Variants in GRAMD4 observed in about 807,000 individuals in gnomAD.
GRAMD4 encodes the protein GRAM domain containing 4.
Under a neutral mutation model 83.9 loss-of-function variants are expected in GRAMD4, and 25 were observed. The ratio of observed to expected loss-of-function variants is 0.30; its 90% confidence interval spans 0.22 to 0.42. The LOEUF is 0.42. Ranked by LOEUF, GRAMD4 falls within the 10% of genes least tolerant of loss-of-function variation. The probability of loss-of-function intolerance (pLI) is 1.00; values close to 1 mark genes in which losing one functional copy is unlikely to be tolerated. For missense variants in GRAMD4, 593 were observed against 788.7 expected (o/e 0.75, Z 2.97); for synonymous variants, 336 against 320.9 (o/e 1.05, Z -0.50).
At chr22:46,667,186 C>T (rs943373432) in intron 10 of GRAMD4, among the ~76,000 whole-genome samples, 1 of 152,186 alleles carries the variant, frequency 6.6e-6, no homozygotes, top group Non-Finnish European at 1.5e-5. Flanking sequence ...GCTGCTGTAG[C>T]CCCCACAACC....
At chr22:46,630,354 G>A (rs1398948462) in intron 2 of GRAMD4, among the ~76,000 whole-genome samples, 3 of 152,124 alleles carry the variant, frequency 2.0e-5, no homozygotes, top group Middle Eastern at 3.2e-3. Flanking sequence ...ATCTGTTGTG[G>A]GCGCTTGGGC....
downstream of GRAMD4, among the ~76,000 whole-genome samples, chr22:46,680,555 C>CATCA (rs1569313293): frequency 6.8e-6 from 1 of 146,232 alleles, no homozygotes; most frequent in Non-Finnish European, 1.5e-5. Context: ...TCCGTCCGTC[C>CATCA]GTCCGTCCGT....
Position 46,659,177 on chromosome 22 carries a change from C to T in GRAMD4, c.404+870C>T, listed in dbSNP as rs572806040. Among the ~76,000 whole-genome samples the T allele has an allele frequency of 1.3e-5, 2 of 152,094 alleles. No homozygotes were observed. The highest frequency in any genetic ancestry group is 2.9e-5 in the Non-Finnish European group (2 of 67,994). The stretch of plus-strand genomic sequence containing the variant: ...CACTCCAGCAACCTCCTGCTTCGGC[C>T]TCCCTCTCAGCCTCCACTCCAGCAG... On this transcript the variant is annotated intron_variant, in intron 4 of 18. Transcript: ENST00000406902. This position sits in a 1 kb window ranked among gnomAD's most constrained non-coding sequence, Gnocchi z 4.1.
At chr22:46,675,917 T>C (rs1420415001) in intron 17 of GRAMD4, among the ~76,000 whole-genome samples, 1 of 152,110 alleles carries the variant, frequency 6.6e-6, no homozygotes, top group Non-Finnish European at 1.5e-5. Flanking sequence ...AGGTGGGAGC[T>C]CAGATGGTCG....
In GRAMD4 at chr22:46,669,615, G is replaced by A. The variant is rs1235616777; in HGVS notation, c.1084+707G>A. 6.2e-5 allele frequency among the ~76,000 whole-genome samples: 9 copies of A among 145,934 alleles called. No individual in the cohort carries two copies. In the South Asian group the frequency reaches 6.4e-4, roughly 10 times the overall value. ...TTTGGAGACGGAGTGTCGCTCTGTC[G>A]CCCAGGCTGGAGTGCAGTGGCGTGA... On this transcript the variant is annotated intron_variant, in intron 13 of 18. Coordinates refer to ENST00000406902, the MANE Select transcript of GRAMD4 (RefSeq NM_015124.5).
intron 3 of GRAMD4, among the ~76,000 whole-genome samples, chr22:46,642,681 G>A (rs1012375594): frequency 1.3e-5 from 2 of 152,172 alleles, no homozygotes; most frequent in Admixed American, 1.3e-4. Context: ...CTTTGAGGCT[G>A]TGTTATCAAG....
chr22:46,680,424 G>A (rs867361730), downstream of GRAMD4, among the ~76,000 whole-genome samples: 1 of 151,986 alleles, frequency 6.6e-6, no homozygotes, highest in African/African-American at 2.4e-5. Context: ...GGGAGCTGGA[G>A]CCAGGCGGAA....
chr22:46,586,205 A>G (rs1198678063), intron 1 of GRAMD4, among the ~76,000 whole-genome samples: 2 of 152,068 alleles, frequency 1.3e-5, no homozygotes, highest in East Asian at 1.9e-4. Context: ...TCACCTGCCT[A>G]TGCCCTTACC....
chr22:46,652,368 C>T (rs148935886), intron 3 of GRAMD4, among the ~76,000 whole-genome samples: 1,809 of 152,262 alleles, frequency 0.012, 35 homozygotes, highest in African/African-American at 0.041. Context: ...TCCCCCTTCC[C>T]GGAGCCTGCA....
At chr22:46,596,156 C>G (rs1331319713) in intron 1 of GRAMD4, among the ~76,000 whole-genome samples, 2 of 152,250 alleles carry the variant, frequency 1.3e-5, no homozygotes, top group Admixed American at 1.3e-4. Flanking sequence ...AGTTTCTCTG[C>G]TGCCTGGATT....
intron 1 of GRAMD4, among the ~76,000 whole-genome samples, chr22:46,578,616 A>G (rs1316783246): frequency 2.2e-4 from 34 of 152,136 alleles, no homozygotes; most frequent in Admixed American, 2.2e-3. Context: ...TTTGTGTCCC[A>G]GGCCCATTTG....
At chr22:46,676,423 G>C (rs556344067) in intron 17 of GRAMD4, among the ~76,000 whole-genome samples, 177 bp from the exon 18 acceptor site, 195 of 152,324 alleles carry the variant, frequency 1.3e-3, no homozygotes, top group African/African-American at 4.5e-3. Flanking sequence ...CTGGTGTCTC[G>C]GCCACAAAGT....
chr22:46,668,152 C>G lies in GRAMD4; in HGVS notation c.915C>G (p.Val305=), dbSNP rs372744256. ...AGAAGTTCCAGCTGGTGCTGGACGT[C>G]GCCCAGAAAGCCCAGGTACTGCCAC... is the stretch of plus-strand genomic sequence containing the variant. ...VSEKFQLVLD[V]AQKAQNLFGK... Residue 305 remains valine, a synonymous_variant, in exon 11 of 19, where the codon GTC becomes GTG. Transcript: ENST00000406902. 6.8e-6 allele frequency: 11 copies of G among 1,611,788 alleles called. No individual in the cohort carries two copies. Among genetic ancestry groups the G allele is most frequent in the Non-Finnish European group, 8.5e-6 (10 of 1,179,154 alleles).
intron 1 of GRAMD4, among the ~76,000 whole-genome samples, chr22:46,595,334 C>G (rs1462600673): frequency 6.6e-6 from 1 of 152,204 alleles, no homozygotes; most frequent in African/African-American, 2.4e-5. Flanking sequence ...ACTTGGCTGC[C>G]TCTGGACATA....
chr22:46,641,017 G>A (rs944205152), intron 3 of GRAMD4, among the ~76,000 whole-genome samples: 2 of 152,148 alleles, frequency 1.3e-5, no homozygotes, highest in African/African-American at 4.8e-5. Context: ...CCCTGATAGG[G>A]ATCGAGCCGC....
chr22:46,644,243 C>G (rs2082032179), intron 3 of GRAMD4, among the ~76,000 whole-genome samples: 1 of 152,164 alleles, frequency 6.6e-6, no homozygotes, highest in East Asian at 1.9e-4. Context: ...TTCCGTGTTA[C>G]AACTGTCCCT....
At chr22:46,643,159 C>CCATCCATGCATCCATCCATGCATGCATG (rs1555967903) in intron 3 of GRAMD4, among the ~76,000 whole-genome samples, 12 of 45,276 alleles carry the variant, frequency 2.7e-4, no homozygotes, top group African/African-American at 4.2e-4. Context: ...ATCCATCCAT[C>CCATCCATGCATCCATCCATGCATGCATG]CATCCATCCA....
chr22:46,650,578 C>CCA lies in GRAMD4; in HGVS notation c.284-7608_284-7607dup, dbSNP rs1361031736. Among the ~76,000 whole-genome samples, 3 of 152,352 alleles carry CCA rather than the reference C, an allele frequency of 2.0e-5. No homozygotes were observed. The East Asian group carries it at 5.8e-4, about 29-fold the overall frequency. On this transcript the variant is annotated intron_variant, in intron 3 of 18. Transcript: ENST00000406902. Reference sequence around the variant, plus strand: ...CGTTCTGGGGGTTGCCCCGGAGTGACCAGTGAGGTGGTTGTCCCTGCCCTT... The same window carrying CCA: ...CGTTCTGGGGGTTGCCCCGGAGTGACCACAGTGAGGTGGTTGTCCCTGCCCTT...
At chr22:46,579,254 C>T (rs561153913) in intron 1 of GRAMD4, among the ~76,000 whole-genome samples, 2 of 152,310 alleles carry the variant, frequency 1.3e-5, no homozygotes, top group African/African-American at 4.8e-5. Context: ...CCAGGCCTTC[C>T]CCTTAGTACC....
Sources: gnomAD v4.1 joint callset for allele counts (sites outside exome capture counted in the v4.1 genomes callset) on GRCh38, gnomAD v4.1.1 for gene constraint, Gnocchi (gnomAD v3.1) non-coding constraint, MANE v1.5 for transcripts, NCBI Gene and HGNC (gene_info 2026-07-23, HGNC 2026-07-21) for gene names.